Variants in PRDM16 observed in about 807,000 individuals in gnomAD.
The protein encoded by PRDM16 is PR/SET domain 16.
Under a neutral mutation model 110.6 loss-of-function variants are expected in PRDM16, and 23 were observed. The observed-to-expected ratio is 0.21, with a 90% confidence interval of 0.15 to 0.29. The LOEUF is 0.29. Among genes scored for constraint, PRDM16 ranks in the 10% least tolerant of loss-of-function variants. The probability of loss-of-function intolerance (pLI) is 1.00; values close to 1 mark genes in which losing one functional copy is unlikely to be tolerated. For missense variants in PRDM16, 1,615 were observed against 1,794.3 expected, an observed-to-expected ratio of 0.90 and a Z score of 1.81; for synonymous variants, 799 against 781.8, an observed-to-expected ratio of 1.02 and a Z score of -0.37.
chr1:3,433,782 G>C lies in PRDM16; in HGVS notation c.3802G>C (p.Gly1268Arg). 1 of 1,613,744 alleles carries C rather than the reference G, an allele frequency of 6.2e-7. No individual in the cohort carries two copies. The highest frequency in any genetic ancestry group is 8.5e-7 in the Non-Finnish European group (1 of 1,179,896). ...LKVTGATSES[G>R]AFHPINHL ...GGTCACTGGAGCCACGTCGGAGTCTGGAGCATTTCACCCCATCAACCACCT... is the reference window on the plus strand; with the variant it reads ...GGTCACTGGAGCCACGTCGGAGTCTCGAGCATTTCACCCCATCAACCACCT... Residue 1268 changes from glycine (G) to arginine (R), a missense_variant, in exon 17 of 17, where the codon GGA becomes CGA. Gly to Arg is a moderately radical substitution (Grantham distance 125, BLOSUM62 -2). This residue lies in a region of PRDM16 where 327 missense variants were observed against 359.3 expected (regional missense o/e 0.91). Coordinates refer to ENST00000270722, the MANE Select transcript of PRDM16 (RefSeq NM_022114.4).
intron 14 of PRDM16, among the ~76,000 whole-genome samples, chr1:3,429,573 C>T (rs1638709873): frequency 6.6e-6 from 1 of 152,208 alleles, no homozygotes; most frequent in Non-Finnish European, 1.5e-5. Context: ...GCACAGGCCC[C>T]AAAGACAGAA....
chr1:3,304,612 T>C (rs773750690), intron 3 of PRDM16, among the ~76,000 whole-genome samples: 10 of 152,332 alleles, frequency 6.6e-5, no homozygotes, highest in Middle Eastern at 3.4e-3. Context: ...GAGCACGGCC[T>C]GGAGTGCATT....
At position 3,370,054 on chromosome 1, in the gene PRDM16, G is replaced by A. The variant is rs1396294998; in HGVS notation, c.439-15098G>A. Reference sequence around the variant, plus strand: ...TCGGAGAGACTGAGTCAGCTGCAGGGAAGGCACTAAATATAACTGGGCTGG... The same window carrying A: ...TCGGAGAGACTGAGTCAGCTGCAGGAAAGGCACTAAATATAACTGGGCTGG... On this transcript the variant is annotated intron_variant, in intron 3 of 16. Transcript: ENST00000270722. The surrounding 1 kb of genome is among the most constrained non-coding windows in gnomAD (Gnocchi z 4.8). 1.3e-5 allele frequency among the ~76,000 whole-genome samples: 2 copies of A among 152,256 alleles called. No individual in the cohort carries two copies. The highest frequency in any genetic ancestry group is 3.9e-4 in the East Asian group (2 of 5,164).
chr1:3,356,106 T>C (rs1360197173), intron 3 of PRDM16, among the ~76,000 whole-genome samples: 1 of 152,214 alleles, frequency 6.6e-6, no homozygotes, highest in Non-Finnish European at 1.5e-5. Context: ...AACGGTGCCA[T>C]TGGCTTTTCC....
rs2100576512 is a variant in PRDM16 at position 3,080,682 on chromosome 1, T to C, written c.37+11386T>C. 6.6e-6 allele frequency among the ~76,000 whole-genome samples: 1 copy of C among 152,256 alleles called. No individual in the cohort carries two copies. Among genetic ancestry groups the C allele is most frequent in the East Asian group, 1.9e-4 (1 of 5,168 alleles). On this transcript the variant is annotated intron_variant, in intron 1 of 16. Transcript: ENST00000270722. The surrounding 1 kb of genome is among the most constrained non-coding windows in gnomAD (Gnocchi z 5.2). ...CTTGCAGCCTGAGAAAAAGCAAACT[T>C]GAGCAAAGCCAGCTTGCTCTCCCCC...
intron 9 of PRDM16, 97 bp from the exon 10 acceptor site, chr1:3,414,463 G>A: frequency 2.3e-6 from 2 of 853,474 alleles, no homozygotes; most frequent in Non-Finnish European, 3.8e-6. Context: ...TGACTGGCCA[G>A]GTATATGGTC....
chr1:3,147,229 G>A (rs778306635), intron 1 of PRDM16, among the ~76,000 whole-genome samples: 17 of 152,166 alleles, frequency 1.1e-4, no homozygotes, highest in Non-Finnish European at 1.6e-4. Flanking sequence ...GTGTGCACAC[G>A]TGTGCATTCA....
rs1024342569 is a variant in PRDM16 at position 3,219,020 on chromosome 1, G to A, written c.388-25067G>A. Among the ~76,000 whole-genome samples the A allele has an allele frequency of 4.6e-5, 7 of 152,334 alleles. 1 individual carries two copies. The highest frequency in any genetic ancestry group is 6.8e-3 in the Middle Eastern group (2 of 294). On this transcript the variant is annotated intron_variant, in intron 2 of 16. Coordinates refer to ENST00000270722, the MANE Select transcript of PRDM16 (RefSeq NM_022114.4). ...AGGAGGGGTCCTCGCGTCCAGTGCC[G>A]GGCTGAGCGGAGAGCTGCAGGGGAG... is the stretch of plus-strand genomic sequence containing the variant.
intron 1 of PRDM16, among the ~76,000 whole-genome samples, chr1:3,108,342 A>T (rs1332850901): frequency 1.3e-5 from 2 of 152,184 alleles, no homozygotes; most frequent in Admixed American, 6.5e-5. Context: ...GTAGGGATCT[A>T]ACTTTTCTTT....
intron 5 of PRDM16, among the ~76,000 whole-genome samples, chr1:3,402,278 G>A (rs56148282): frequency 0.3 from 45,579 of 152,042 alleles, 7,290 homozygotes; most frequent in Non-Finnish European, 0.35. Context: ...GCCCCCCACC[G>A]GGATGACAGC....
At chr1:3,170,085 C>T (rs780553370) in intron 1 of PRDM16, among the ~76,000 whole-genome samples, 2 of 152,152 alleles carry the variant, frequency 1.3e-5, no homozygotes, top group Non-Finnish European at 2.9e-5. Flanking sequence ...TTTTCCTCGC[C>T]GCTGGCCTGC....
chr1:3,135,798 G>T (rs995615330), intron 1 of PRDM16, among the ~76,000 whole-genome samples: 1 of 152,152 alleles, frequency 6.6e-6, no homozygotes, highest in South Asian at 2.1e-4. Flanking sequence ...GATCCCAGCC[G>T]TCCCCAGACC....
intron 2 of PRDM16, among the ~76,000 whole-genome samples, chr1:3,225,683 TG>T (rs1290656107): frequency 1.3e-5 from 2 of 151,702 alleles, no homozygotes; most frequent in African/African-American, 4.8e-5. Context: ...AAAAAACACA[TG>T]AGAATCCTAC....
intron 1 of PRDM16, among the ~76,000 whole-genome samples, chr1:3,072,809 G>A (rs1361721399): frequency 6.6e-6 from 1 of 152,216 alleles, no homozygotes; most frequent in East Asian, 1.9e-4. Flanking sequence ...AGGCTGCGGT[G>A]GAGGGGTGGA....
intron 3 of PRDM16, among the ~76,000 whole-genome samples, chr1:3,372,802 C>T (rs1642927726): frequency 6.6e-6 from 1 of 152,234 alleles, no homozygotes; most frequent in South Asian, 2.1e-4. Context: ...TCTGGCACAG[C>T]TGCCCCAGAT....
intron 2 of PRDM16, among the ~76,000 whole-genome samples, chr1:3,235,342 G>A (rs1293224914): frequency 2.0e-5 from 3 of 152,200 alleles, no homozygotes; most frequent in African/African-American, 7.2e-5. Context: ...TTCTCGTGCT[G>A]GAAGTGATGG....
chr1:3,181,152 AG>A, intron 1 of PRDM16, among the ~76,000 whole-genome samples: 1 of 140,178 alleles, frequency 7.1e-6, no homozygotes, highest in East Asian at 2.6e-4. Context: ...TTACACACGC[AG>A]TCTTACACGC....
At chr1:3,352,497 G>A (rs1372595440) in intron 3 of PRDM16, among the ~76,000 whole-genome samples, 2 of 152,250 alleles carry the variant, frequency 1.3e-5, no homozygotes, top group Middle Eastern at 3.4e-3. Flanking sequence ...CTATCATTTC[G>A]TTTGTTCTCC....
At chr1:3,218,883 T>A (rs1639090115) in intron 2 of PRDM16, among the ~76,000 whole-genome samples, 1 of 152,200 alleles carries the variant, frequency 6.6e-6, no homozygotes, top group Non-Finnish European at 1.5e-5. Context: ...TGGAGACGTG[T>A]TCTCCCTCTT....
Sources: gnomAD v4.1 joint callset for allele counts (sites outside exome capture counted in the v4.1 genomes callset) on GRCh38, gnomAD v4.1.1 for gene constraint, gnomAD v4.1.1 regional missense constraint, Gnocchi (gnomAD v3.1) non-coding constraint, MANE v1.5 for transcripts, NCBI Gene and HGNC (gene_info 2026-07-23, HGNC 2026-07-21) for gene names.